Variants in CSGALNACT1 observed in about 807,000 individuals in gnomAD.
CSGALNACT1 encodes chondroitin sulfate N-acetylgalactosaminyltransferase 1.
In CSGALNACT1, 52 loss-of-function variants were observed where a neutral mutation model predicts 51.0. That is an observed-to-expected ratio of 1.02 (90% CI 0.82 to 1.29). The LOEUF (loss-of-function observed/expected upper bound fraction) is 1.29, where lower values mean the gene tolerates loss of function less well. Ranked by LOEUF, CSGALNACT1 falls within the 50% of genes most tolerant of loss-of-function variation. The pLI is 0.00. For synonymous variants in CSGALNACT1, 341 were observed against 254.4 expected (o/e 1.34, Z -3.24); for missense variants, 935 against 679.2 (o/e 1.38, Z -4.19).
chr8:19,471,145 A>T (rs2068064246), intron 4 of CSGALNACT1, among the ~76,000 whole-genome samples: 1 of 152,212 alleles, frequency 6.6e-6, no homozygotes, highest in South Asian at 2.1e-4. Context: ...AGAGAGAAAA[A>T]AAAAGGTGAA....
At chr8:19,740,977 A>C (rs1028854948) in intron 1 of CSGALNACT1, among the ~76,000 whole-genome samples, 3 of 152,244 alleles carry the variant, frequency 2.0e-5, no homozygotes, top group Admixed American at 6.5e-5. Flanking sequence ...ACTCCATAGC[A>C]AAGCAACTTG....
At chr8:19,749,621 C>G (rs1388576501) in intron 1 of CSGALNACT1, among the ~76,000 whole-genome samples, 1 of 152,204 alleles carries the variant, frequency 6.6e-6, no homozygotes, top group Non-Finnish European at 1.5e-5. Context: ...AAGACCATCC[C>G]TGATCTAACA....
At chr8:19,452,015 A>G (rs1287733727) in intron 5 of CSGALNACT1, among the ~76,000 whole-genome samples, 1 of 152,248 alleles carries the variant, frequency 6.6e-6, no homozygotes, top group African/African-American at 2.4e-5. Context: ...TGAAATAGCA[A>G]TCATTGCAAA....
chr8:19,453,059 G>A (rs1246772005), intron 5 of CSGALNACT1, among the ~76,000 whole-genome samples: 5 of 151,976 alleles, frequency 3.3e-5, no homozygotes, highest in African/African-American at 1.2e-4. Flanking sequence ...CACGTAATGA[G>A]AAAAGATAAA....
At position 19,408,949 on chromosome 8, in the gene CSGALNACT1, AAC is replaced by A. The variant is rs5889870; in HGVS notation, c.1228-257_1228-256del. ...AATGTTTCTAGGGCATAGATATGAA[AAC>A]ACACACACACACACACACACACACA... On this transcript the variant is annotated intron_variant, in intron 8 of 9. Coordinates refer to ENST00000454498, the Ensembl canonical transcript of CSGALNACT1. Among the ~76,000 whole-genome samples, 1,040 of 142,188 alleles carry A rather than the reference AAC, an allele frequency of 7.3e-3. 13 individuals are homozygous for A. Among genetic ancestry groups the A allele is most frequent in the Middle Eastern group, 0.018 (5 of 278 alleles). 93.3% of individuals were successfully genotyped at this position (142,188 alleles called of 152,430 possible).
intron 3 of CSGALNACT1, among the ~76,000 whole-genome samples, chr8:19,550,881 C>A (rs1195441055): frequency 6.6e-6 from 1 of 152,140 alleles, no homozygotes; most frequent in African/African-American, 2.4e-5. Flanking sequence ...ATGCTTTACC[C>A]CTACTCTCAT....
intron 6 of CSGALNACT1, among the ~76,000 whole-genome samples, chr8:19,430,888 AT>A (rs1413702192): frequency 6.6e-6 from 1 of 152,132 alleles, no homozygotes; most frequent in Non-Finnish European, 1.5e-5. Context: ...TCAGCATAAA[AT>A]TCTTGCACTT....
At chr8:19,605,462 T>C (rs1393362204), upstream of CSGALNACT1, among the ~76,000 whole-genome samples, 1 of 152,158 alleles carries the variant, frequency 6.6e-6, no homozygotes, top group African/African-American at 2.4e-5. Context: ...AATAAATTCA[T>C]TCATTCACTC....
At chr8:19,586,872 T>A (rs1214336071) in intron 3 of CSGALNACT1, among the ~76,000 whole-genome samples, 2 of 152,198 alleles carry the variant, frequency 1.3e-5, no homozygotes. Flanking sequence ...CAGAGAGGAA[T>A]CCATTACATA....
At chr8:19,749,614 A>T (rs147565459) in intron 1 of CSGALNACT1, among the ~76,000 whole-genome samples, 1 of 152,136 alleles carries the variant, frequency 6.6e-6, no homozygotes, top group Non-Finnish European at 1.5e-5. Flanking sequence ...CTCTCTAAAG[A>T]CCATCCCTGA....
At chr8:19,407,197 T>A (rs1003677881) in intron 9 of CSGALNACT1, among the ~76,000 whole-genome samples, 8 of 152,064 alleles carry the variant, frequency 5.3e-5, no homozygotes, top group Non-Finnish European at 7.4e-5. Context: ...ATTTTTTTTT[T>A]AAATCTTTAA....
At chr8:19,409,723 T>C (rs1443998843) in intron 8 of CSGALNACT1, among the ~76,000 whole-genome samples, 3 of 152,184 alleles carry the variant, frequency 2.0e-5, no homozygotes, top group South Asian at 4.1e-4. Flanking sequence ...TGGATTTGTA[T>C]AGATTTTGTT....
At chr8:19,485,759 CT>C (rs386412239) in intron 4 of CSGALNACT1, among the ~76,000 whole-genome samples, 583 of 38,484 alleles carry the variant, frequency 0.015, 2 homozygotes, top group African/African-American at 0.054. Flanking sequence ...CCTCAGCTTG[CT>C]TTTTTTTTTT....
At chr8:19,459,407 A>T (rs913407817) in intron 4 of CSGALNACT1, among the ~76,000 whole-genome samples, 11 of 147,476 alleles carry the variant, frequency 7.5e-5, no homozygotes, top group African/African-American at 2.7e-4. Context: ...AAAAAAAAAA[A>T]GGAAAGAAGT....
chr8:19,587,415 C>T (rs2046887905), intron 3 of CSGALNACT1, among the ~76,000 whole-genome samples: 1 of 152,204 alleles, frequency 6.6e-6, no homozygotes, highest in Admixed American at 6.5e-5. Flanking sequence ...TGAGAAATGT[C>T]ATGGGTGGTA....
intron 1 of CSGALNACT1, among the ~76,000 whole-genome samples, chr8:19,662,643 A>C (rs1483864368): frequency 6.6e-6 from 1 of 152,212 alleles, no homozygotes; most frequent in African/African-American, 2.4e-5. Context: ...TAAATCCTGA[A>C]GTGAAACATC....
chr8:19,654,096 C>G, intron 1 of CSGALNACT1, among the ~76,000 whole-genome samples: 1 of 152,200 alleles, frequency 6.6e-6, no homozygotes, highest in Non-Finnish European at 1.5e-5. Context: ...TCAATCATCA[C>G]TGAAAACACA....
In CSGALNACT1 at chr8:19,696,222, A is replaced by G. The variant is rs186330457; in HGVS notation, c.-297+61628T>C. Among the ~76,000 whole-genome samples the G allele has an allele frequency of 2.4e-3, 363 of 152,322 alleles. 9 individuals carry two copies. The highest frequency in any genetic ancestry group is 0.022 in the Admixed American group (339 of 15,302). ...CTTTGGGGAACTTGACAATGTGAAA[A>G]AGATTCTGTCCCCAATCCAACTTAC... On this transcript the variant is annotated intron_variant, in intron 1 of 1. Transcript: ENST00000517494.
chr8:19,686,882 G>C (rs566895679), upstream of CSGALNACT1, among the ~76,000 whole-genome samples: 3 of 152,194 alleles, frequency 2.0e-5, no homozygotes, highest in East Asian at 5.8e-4. Flanking sequence ...CTTCTGGTGG[G>C]GCACATCTCT....
Sources: gnomAD v4.1 joint callset for allele counts (sites outside exome capture counted in the v4.1 genomes callset) on GRCh38, gnomAD v4.1.1 for gene constraint, MANE v1.5 for transcripts, NCBI Gene and HGNC (gene_info 2026-07-23, HGNC 2026-07-21) for gene names.